Variants in SLC24A4 observed in about 807,000 individuals in gnomAD.
SLC24A4 encodes solute carrier family 24 member 4, also known as sodium/potassium/calcium exchanger 4.
A neutral mutation model predicts 79.0 loss-of-function variants in SLC24A4; 53 were observed. That is an observed-to-expected ratio of 0.67 (90% CI 0.54 to 0.84). The LOEUF (loss-of-function observed/expected upper bound fraction) is 0.84. SLC24A4 is among the 40% of genes least tolerant of loss of function. The pLI is 0.00. For missense variants in SLC24A4, 731 were observed against 822.0 expected (o/e 0.89, Z 1.35); for synonymous variants, 323 against 323.8 (o/e 1.00, Z 0.03).
chr14:92,467,655 G>T (rs1381906149), intron 12 of SLC24A4, among the ~76,000 whole-genome samples: 1 of 152,142 alleles, frequency 6.6e-6, no homozygotes, highest in Admixed American at 6.6e-5. Context: ...ACTCCATGTT[G>T]CCCTCCAGCC....
chr14:92,457,371 A>C lies in SLC24A4; in HGVS notation c.1255+763A>C, dbSNP rs1790181818. The C allele has an allele frequency of 3.3e-5, 5 of 152,906 alleles. No homozygotes were observed. The South Asian group carries it at 1.0e-3, about 32-fold the overall frequency. 9.5% of individuals were successfully genotyped at this position (152,906 alleles called of 1,614,324 possible). ...GAATGCAGTTTCCCCAGGTATCCAC[A>C]TGCCCACTTCCTCACCTTCTTCAGG... On this transcript the variant is annotated intron_variant, in intron 12 of 16. Coordinates refer to ENST00000532405, the MANE Select transcript of SLC24A4 (RefSeq NM_153646.4).
chr14:92,467,604 C>T (rs1484192483), intron 12 of SLC24A4, among the ~76,000 whole-genome samples: 5 of 152,140 alleles, frequency 3.3e-5, no homozygotes, highest in African/African-American at 1.2e-4. Context: ...GGGACACTGT[C>T]GACCAAACAG....
intron 2 of SLC24A4, among the ~76,000 whole-genome samples, chr14:92,332,680 A>T (rs1037025929): frequency 3.3e-5 from 5 of 152,306 alleles, no homozygotes; most frequent in Non-Finnish European, 5.9e-5. Context: ...GATTGTTGGA[A>T]TGAAATGAAT....
chr14:92,448,298 G>A (rs906675785), intron 9 of SLC24A4, among the ~76,000 whole-genome samples: 10 of 147,060 alleles, frequency 6.8e-5, no homozygotes, highest in African/African-American at 2.5e-4. Flanking sequence ...AAAAGGGAAA[G>A]TAGTTAGAAT....
intron 13 of SLC24A4, 86 bp downstream of exon 13, chr14:92,482,932 G>A (rs1895144732): frequency 7.2e-7 from 1 of 1,393,346 alleles, no homozygotes. Context: ...AGGTACTGCT[G>A]TGCCACCTTT....
intron 3 of SLC24A4, among the ~76,000 whole-genome samples, chr14:92,436,785 T>C (rs1892200028): frequency 6.6e-6 from 1 of 152,184 alleles, no homozygotes. Context: ...GAGAGGCCTT[T>C]TGGCCTCTCG....
intron 2 of SLC24A4, among the ~76,000 whole-genome samples, chr14:92,360,913 A>G (rs906902403): frequency 5.9e-5 from 9 of 152,262 alleles, no homozygotes; most frequent in Non-Finnish European, 1.3e-4. Context: ...CACAGCGTTT[A>G]TCCTTGCATT....
intron 2 of SLC24A4, among the ~76,000 whole-genome samples, chr14:92,337,962 T>C (rs1885910715): frequency 6.6e-6 from 1 of 152,262 alleles, no homozygotes; most frequent in South Asian, 2.1e-4. Context: ...CTGAATTTTA[T>C]AAGTGCAGCA....
At chr14:92,435,035 A>G (rs1165639908) in intron 3 of SLC24A4, among the ~76,000 whole-genome samples, 2 of 152,136 alleles carry the variant, frequency 1.3e-5, no homozygotes, top group African/African-American at 2.4e-5. Flanking sequence ...CGGCCTCCCA[A>G]AGTGCTGGGA....
At chr14:92,437,874 C>T (rs1054688274) in intron 3 of SLC24A4, among the ~76,000 whole-genome samples, 37 of 152,156 alleles carry the variant, frequency 2.4e-4, no homozygotes, top group African/African-American at 8.0e-4. Flanking sequence ...TGAGGGCAGA[C>T]GCTGGTGCTA....
chr14:92,454,011 C>A lies in SLC24A4; in HGVS notation c.992C>A (p.Thr331Asn). 6.2e-7 allele frequency: 1 copy of A among 1,613,760 alleles called. No individual in the cohort carries two copies. Among genetic ancestry groups the A allele is most frequent in the East Asian group, 2.2e-5 (1 of 44,846 alleles). ...GAAGCAGGCTTACGAATCATGATCA[C>A]CAATAAGTTTGGACCCAGGACCCGA... Reference protein sequence around the residue: ...FPEAGLRIMITNKFGPRTRLR... With the variant: ...FPEAGLRIMINNKFGPRTRLR... The change falls in exon 11 of 17, where the codon ACC (threonine) becomes AAC (asparagine). Residue 331 changes from threonine (T) to asparagine (N), a missense_variant. Coordinates refer to ENST00000532405, the MANE Select transcript of SLC24A4 (RefSeq NM_153646.4).
At position 92,448,995 on chromosome 14, in the gene SLC24A4, A is replaced by G. The variant is rs903117129; in HGVS notation, c.738-79A>G. On this transcript the variant is annotated intron_variant, in intron 9 of 16. Transcript: ENST00000532405. ...TGGGCTGTGCTGACTGCGTGCAGGG[A>G]TGGGGTGTGATCCACCCGCTGCCCA... The G allele has an allele frequency of 5.8e-6, 9 of 1,553,512 alleles. No homozygotes were observed. In the African/African-American group the frequency reaches 1.1e-4, roughly 19 times the overall value.
intron 2 of SLC24A4, among the ~76,000 whole-genome samples, chr14:92,372,362 ATGT>A (rs1341401699): frequency 6.6e-6 from 1 of 152,086 alleles, no homozygotes; most frequent in African/African-American, 2.4e-5. Context: ...GCCAGCTCTG[ATGT>A]TGACCAGCTG....
At chr14:92,433,885 A>ACTCTGC in intron 2 of SLC24A4, 27 bp from the exon 3 acceptor site, 1 of 1,602,384 alleles carries the variant, frequency 6.2e-7, no homozygotes. Flanking sequence ...GATAACTAAC[A>ACTCTGC]CTCTGCCATC....
chr14:92,453,836 G>A, intron 10 of SLC24A4, 64 bp from the exon 11 acceptor site: 3 of 1,493,346 alleles, frequency 2.0e-6, no homozygotes, highest in Admixed American at 4.7e-5. Flanking sequence ...GGAAGTCAGT[G>A]GCCCCAGCAC....
rs1889936757 is a variant in SLC24A4, at chr14:92,398,947, G to GT, written c.242-34964dup. Among the ~76,000 whole-genome samples, 1 of 152,224 alleles carries GT rather than the reference G, an allele frequency of 6.6e-6. No individual in the cohort carries two copies. Among genetic ancestry groups the GT allele is most frequent in the Admixed American group, 6.5e-5 (1 of 15,274 alleles). On this transcript the variant is annotated intron_variant, in intron 2 of 16. Coordinates refer to ENST00000532405, the MANE Select transcript of SLC24A4 (RefSeq NM_153646.4). This position sits in a 1 kb window ranked among gnomAD's most constrained non-coding sequence, Gnocchi z 4.1. ...TGGTTTAAATCTGATGACACACTCTGTAACTCTCCAGTATTTGAGGATGAT... is the reference window on the plus strand; with the variant it reads ...TGGTTTAAATCTGATGACACACTCTGTTAACTCTCCAGTATTTGAGGATGAT...
chr14:92,426,197 AAAG>A (rs1327005240), intron 2 of SLC24A4, among the ~76,000 whole-genome samples: 1 of 152,124 alleles, frequency 6.6e-6, no homozygotes, highest in Non-Finnish European at 1.5e-5. Context: ...GGTAATAAAT[AAAG>A]AAGGTTTATA....
At chr14:92,399,447 A>G (rs1317747681) in intron 2 of SLC24A4, among the ~76,000 whole-genome samples, 1 of 152,242 alleles carries the variant, frequency 6.6e-6, no homozygotes, top group Non-Finnish European at 1.5e-5. Context: ...ATTTTCACCA[A>G]ACTTGGATAG....
At chr14:92,360,197 C>T (rs1887425625) in intron 2 of SLC24A4, among the ~76,000 whole-genome samples, 1 of 152,230 alleles carries the variant, frequency 6.6e-6, no homozygotes, top group South Asian at 2.1e-4. Flanking sequence ...GCTGAGATTA[C>T]AGGCATGAGC....
Sources: gnomAD v4.1 joint callset for allele counts (sites outside exome capture counted in the v4.1 genomes callset) on GRCh38, gnomAD v4.1.1 for gene constraint, Gnocchi (gnomAD v3.1) non-coding constraint, MANE v1.5 for transcripts, NCBI Gene and HGNC (gene_info 2026-07-23, HGNC 2026-07-21) for gene names.